The following TINAG variants were observed in gnomAD, a reference collection of about 807,000 sequenced individuals.
TINAG encodes tubulointerstitial nephritis antigen.
In TINAG, 83 loss-of-function variants were observed where a neutral mutation model predicts 72.7. The ratio of observed to expected loss-of-function variants is 1.14; its 90% CI spans 0.96 to 1.37. The LOEUF (loss-of-function observed/expected upper bound fraction) is 1.37. TINAG is among the 40% of genes most tolerant of loss of function. TINAG has a pLI of 0.00. For synonymous variants in TINAG, 234 were observed against 189.9 expected, an observed-to-expected ratio of 1.23 and a Z score of -1.91; for missense variants, 685 against 576.6, an observed-to-expected ratio of 1.19 and a Z score of -1.93.
intron 10 of TINAG, among the ~76,000 whole-genome samples, chr6:54,386,519 A>G (rs1764103774): frequency 6.6e-6 from 1 of 152,148 alleles, no homozygotes. Context: ...CAGATCTTAG[A>G]GGATGCCTGA....
At chr6:54,371,348 C>T (rs1039709480) in intron 9 of TINAG, among the ~76,000 whole-genome samples, 2 of 151,942 alleles carry the variant, frequency 1.3e-5, no homozygotes, top group African/African-American at 4.8e-5. Flanking sequence ...TAATAAGTTT[C>T]CCTCTGTCTT....
In TINAG at chr6:54,385,251, G is replaced by T. The variant is rs532666731; in HGVS notation, c.1297-4540G>T. On this transcript the variant is annotated intron_variant, in intron 10 of 10. Transcript: ENST00000259782. ...GATGCTTTGCAAAAAATGATTAAAT[G>T]TCTAGGAAGACTGAAAAAGAAACAA... Among the ~76,000 whole-genome samples the T allele has an allele frequency of 3.9e-5, 6 of 152,110 alleles. No homozygotes were observed. In the East Asian group the frequency reaches 1.2e-3, roughly 29 times the overall value.
upstream of TINAG, chr6:54,308,363 C>T (rs1784158415): frequency 4.7e-6 from 3 of 636,794 alleles, no homozygotes; most frequent in Admixed American, 6.0e-5. Flanking sequence ...CATACATTAT[C>T]TTGGTCAAAC....
rs142017104 is a variant in TINAG, at chr6:54,328,812, A to G, written c.624+1896A>G. ...TGGAGCTGAAAAAACACAACACAAGAACTTCATGAAGCATACACAAGTATC... is the reference window on the plus strand; with the variant it reads ...TGGAGCTGAAAAAACACAACACAAGGACTTCATGAAGCATACACAAGTATC... On this transcript the variant is annotated intron_variant, in intron 4 of 10. Transcript: ENST00000259782. 3.7e-3 allele frequency among the ~76,000 whole-genome samples: 570 copies of G among 152,026 alleles called. 4 individuals are homozygous for G. Among genetic ancestry groups the G allele is most frequent in the African/African-American group, 0.013 (543 of 41,486 alleles).
rs1399273343 is a variant in TINAG at position 54,349,895 on chromosome 6, A to G, written c.1079A>G (p.Asn360Ser). The G allele has an allele frequency of 6.5e-6, 10 of 1,546,790 alleles. No homozygotes were observed. Among genetic ancestry groups the G allele is most frequent in the African/African-American group, 2.7e-5 (2 of 73,314 alleles). ...QCSPPYRVSS[N>S]ETEIMKEIMQ... Reference sequence around the variant, plus strand: ...TCTCCTCCATACAGAGTCTCTTCCAACGTAAGTATAAATGGCAAGAATCAA... The same window carrying G: ...TCTCCTCCATACAGAGTCTCTTCCAGCGTAAGTATAAATGGCAAGAATCAA... Residue 360 changes from asparagine (N) to serine (S), a missense_variant and splice_region_variant, in exon 7 of 11, where the codon AAC becomes AGC. Asn to Ser is a conservative substitution (Grantham distance 46). Transcript: ENST00000259782.
intron 4 of TINAG, among the ~76,000 whole-genome samples, chr6:54,339,903 G>A (rs9382325): frequency 0.18 from 27,945 of 152,004 alleles, 2,703 homozygotes; most frequent in African/African-American, 0.2. Flanking sequence ...AAATACAACT[G>A]AAAATATAGG....
At chr6:54,351,303 A>G (rs1785259823) in intron 7 of TINAG, 49 bp from the exon 8 acceptor site, 3 of 1,517,688 alleles carry the variant, frequency 2.0e-6, no homozygotes, top group Non-Finnish European at 2.7e-6. Flanking sequence ...CAATGGGTTT[A>G]GTATGCTCTG....
intron 4 of TINAG, chr6:54,327,343 C>T (rs1784631413): frequency 3.5e-6 from 2 of 574,306 alleles, no homozygotes; most frequent in Admixed American, 4.0e-5. Flanking sequence ...CCAGGAAGAG[C>T]AAGGAGGCTG....
At chr6:54,311,986 T>C (rs1784269826) in intron 1 of TINAG, among the ~76,000 whole-genome samples, 1 of 152,218 alleles carries the variant, frequency 6.6e-6, no homozygotes, top group African/African-American at 2.4e-5. Context: ...TTTAACACTT[T>C]ACTCCATAGT....
intron 9 of TINAG, among the ~76,000 whole-genome samples, chr6:54,368,664 C>A (rs1042149112): frequency 2.6e-5 from 4 of 151,344 alleles, no homozygotes; most frequent in Non-Finnish European, 5.9e-5. Context: ...CCAGGTATTG[C>A]ACGCATTGCT....
intron 3 of TINAG, among the ~76,000 whole-genome samples, chr6:54,326,542 C>A (rs1330207456): frequency 6.6e-6 from 1 of 151,964 alleles, no homozygotes; most frequent in Non-Finnish European, 1.5e-5. Flanking sequence ...AACACTTAAT[C>A]CCTTTGTGGG....
chr6:54,362,104 C>T (rs556383990), intron 9 of TINAG, among the ~76,000 whole-genome samples: 2 of 151,706 alleles, frequency 1.3e-5, no homozygotes, highest in East Asian at 3.9e-4. Flanking sequence ...GCAAGTTATC[C>T]AGAAGATCTA....
intron 9 of TINAG, among the ~76,000 whole-genome samples, chr6:54,374,710 T>C (rs991402398): frequency 3.3e-5 from 5 of 152,092 alleles, no homozygotes; most frequent in Admixed American, 6.6e-5. Flanking sequence ...AGTTGTATCA[T>C]TGTTATTGAC....
intron 4 of TINAG, among the ~76,000 whole-genome samples, chr6:54,330,264 A>G (rs12663018): frequency 0.12 from 18,202 of 151,730 alleles, 1,262 homozygotes; most frequent in African/African-American, 0.18. Flanking sequence ...AAATCATAAC[A>G]AACAGTCTAT....
intron 9 of TINAG, among the ~76,000 whole-genome samples, chr6:54,365,698 T>A (rs1383187540): frequency 6.6e-6 from 1 of 151,614 alleles, no homozygotes; most frequent in Non-Finnish European, 1.5e-5. Context: ...TTTAATGAGT[T>A]ATATTTTGGA....
chr6:54,365,950 A>G (rs1763398818), intron 9 of TINAG, among the ~76,000 whole-genome samples: 2 of 151,678 alleles, frequency 1.3e-5, no homozygotes, highest in East Asian at 1.9e-4. Flanking sequence ...ATCTTGTTTG[A>G]GCCTAGGAGT....
At chr6:54,386,496 C>T (rs1384571685) in intron 10 of TINAG, among the ~76,000 whole-genome samples, 3 of 152,118 alleles carry the variant, frequency 2.0e-5, no homozygotes, top group Admixed American at 1.3e-4. Context: ...TTCTTGCTGA[C>T]TGAGGATATT....
intron 10 of TINAG, among the ~76,000 whole-genome samples, chr6:54,384,434 T>TA (rs1483009458): frequency 1.2e-4 from 19 of 152,064 alleles, no homozygotes; most frequent in African/African-American, 4.3e-4. Context: ...CAGCTGAAGA[T>TA]AAAAAATAGA....
At chr6:54,363,158 T>C (rs980516038) in intron 9 of TINAG, among the ~76,000 whole-genome samples, 1 of 151,608 alleles carries the variant, frequency 6.6e-6, no homozygotes, top group Non-Finnish European at 1.5e-5. Flanking sequence ...AGGAAGATTG[T>C]ATTTGCTGAA....
Sources: gnomAD v4.1 joint callset for allele counts (sites outside exome capture counted in the v4.1 genomes callset) on GRCh38, gnomAD v4.1.1 for gene constraint, MANE v1.5 for transcripts, NCBI Gene and HGNC (gene_info 2026-07-23, HGNC 2026-07-21) for gene names.